Variants in MYBPC1 observed in about 807,000 individuals in gnomAD.
MYBPC1 encodes myosin binding protein C1.
A neutral mutation model predicts 147.1 loss-of-function variants in MYBPC1; 52 were observed. That is an observed-to-expected ratio of 0.35 (90% CI 0.28 to 0.45). The LOEUF (loss-of-function observed/expected upper bound fraction) is 0.45. MYBPC1 is among the 20% of genes least tolerant of loss of function. MYBPC1 has a pLI of 1.00. For synonymous variants in MYBPC1, 477 were observed against 475.9 expected (o/e 1.00, Z -0.03); for missense variants, 1,228 against 1,440.3 (o/e 0.85, Z 2.39).
chr12:101,642,219 C>T (rs922524855), intron 10 of MYBPC1, among the ~76,000 whole-genome samples, 200 bp from the exon 11 acceptor site: 5 of 152,172 alleles, frequency 3.3e-5, no homozygotes, highest in Non-Finnish European at 5.9e-5. Context: ...TATAAGGGCA[C>T]ACATTTGATC....
chr12:101,661,230 C>T lies in MYBPC1; in HGVS notation c.2000C>T (p.Pro667Leu). The change falls in exon 20 of 32, where the codon CCT becomes CTT. Residue 667 changes from proline to leucine, a missense_variant. Around this residue, in one of 2 missense-constraint regions of MYBPC1, gnomAD observed 1,077 missense variants for 1,314.2 expected, o/e 0.82. Coordinates refer to ENST00000361466, the MANE Select transcript of MYBPC1 (RefSeq NM_002465.4). ...GDDWCIMNWE[P>L]PAYDGGSPIL... Reference sequence around the variant, plus strand: ...GACTGGTGTATCATGAACTGGGAGCCTCCTGCCTACGACGGAGGCTCTCCA... The same window carrying T: ...GACTGGTGTATCATGAACTGGGAGCTTCCTGCCTACGACGGAGGCTCTCCA... 6.2e-7 allele frequency: 1 copy of T among 1,613,792 alleles called. No individual in the cohort carries two copies. Among genetic ancestry groups the T allele is most frequent in the African/African-American group, 1.3e-5 (1 of 75,016 alleles).
chr12:101,652,634 T>C (rs1389475423), intron 16 of MYBPC1, 44 bp from the exon 17 acceptor site: 3 of 1,404,732 alleles, frequency 2.1e-6, no homozygotes, highest in Admixed American at 1.7e-5. Flanking sequence ...ATATATAAAC[T>C]AGATCTTTGG....
intron 28 of MYBPC1, among the ~76,000 whole-genome samples, chr12:101,678,887 C>A (rs1235112457): frequency 6.6e-6 from 1 of 152,112 alleles, no homozygotes; most frequent in Admixed American, 6.5e-5. Context: ...GTCGTCCGGG[C>A]GCAGTGGCTC....
At chr12:101,604,932 T>C (rs970918075) in intron 1 of MYBPC1, among the ~76,000 whole-genome samples, 3 of 152,190 alleles carry the variant, frequency 2.0e-5, no homozygotes, top group African/African-American at 4.8e-5. Flanking sequence ...ACTGACTTTC[T>C]GGGTCACCAA....
intron 3 of MYBPC1, among the ~76,000 whole-genome samples, chr12:101,619,817 G>A (rs1041757889): frequency 6.6e-6 from 1 of 152,144 alleles, no homozygotes; most frequent in African/African-American, 2.4e-5. Context: ...TCACTATTAA[G>A]AATATTATTC....
chr12:101,663,738 A>T (rs1387015447), intron 22 of MYBPC1, among the ~76,000 whole-genome samples, 178 bp downstream of exon 22: 2 of 152,242 alleles, frequency 1.3e-5, no homozygotes, highest in African/African-American at 4.8e-5. Context: ...CTTGGTGCTT[A>T]TAAATTGATA....
At chr12:101,615,401 C>A (rs955251256) in intron 2 of MYBPC1, among the ~76,000 whole-genome samples, 3 of 152,012 alleles carry the variant, frequency 2.0e-5, no homozygotes. Flanking sequence ...GCATCCCACT[C>A]AATAATTATT....
rs1170393605 is a variant in MYBPC1 at position 101,631,657 on chromosome 12, G to A, written c.376G>A (p.Asp126Asn). Residue 126 changes from aspartate to asparagine, a missense_variant, in exon 7 of 32, where the codon GAC becomes AAC. Transcript: ENST00000361466. ...TIKWFKGKWM[D>N]LASKAGKHLQ... The stretch of plus-strand genomic sequence containing the variant: ...CAAATGGTTCAAAGGAAAATGGATG[G>A]ACCTGGCCAGCAAAGCCGGGAAGCA... The A allele has an allele frequency of 2.5e-6, 4 of 1,614,074 alleles. No individual in the cohort carries two copies. Among genetic ancestry groups the A allele is most frequent in the Admixed American group, 1.7e-5 (1 of 60,012 alleles).
chr12:101,612,062 C>T (rs538742702), intron 1 of MYBPC1, among the ~76,000 whole-genome samples: 17 of 140,326 alleles, frequency 1.2e-4, no homozygotes, highest in South Asian at 2.3e-4. Flanking sequence ...GGCGACAGAG[C>T]GAGACTCCAT....
chr12:101,663,300 G>A, intron 21 of MYBPC1, 126 bp from the exon 22 acceptor site: 3 of 877,150 alleles, frequency 3.4e-6, no homozygotes, highest in Non-Finnish European at 5.7e-6. Flanking sequence ...TGTCTTAACT[G>A]AATTTCATTA....
chr12:101,685,815 A>AC lies in MYBPC1; in HGVS notation c.*253_*254insC. The AC allele has an allele frequency of 4.9e-6, 3 of 609,596 alleles. No individual in the cohort carries two copies. The South Asian group carries it at 7.4e-5, about 15-fold the overall frequency. 37.8% of individuals were successfully genotyped at this position (609,596 alleles called of 1,614,324 possible). A position where few individuals can be genotyped will look rare whatever the true frequency, so the allele number is the denominator to read the frequency against. Reference sequence around the variant, plus strand: ...CTTTCCTCCTAATGTTGAAGAGAAAAAAAAAAAAAAAAGTTTGCCCAGATT... The same window carrying AC: ...CTTTCCTCCTAATGTTGAAGAGAAAACAAAAAAAAAAAAGTTTGCCCAGATT... On this transcript the variant is annotated 3_prime_UTR_variant, in exon 32 of 32. Transcript: ENST00000361466.
intron 17 of MYBPC1, 35 bp from the exon 18 acceptor site, chr12:101,653,080 C>A (rs1894842611): frequency 5.0e-6 from 8 of 1,603,414 alleles, no homozygotes; most frequent in Non-Finnish European, 6.8e-6. Flanking sequence ...ACAGAAATGA[C>A]TGTCTGATAA....
intron 1 of MYBPC1, among the ~76,000 whole-genome samples, chr12:101,612,346 A>C (rs574437650): frequency 1.3e-5 from 2 of 152,342 alleles, no homozygotes; most frequent in East Asian, 3.9e-4. Context: ...AGGCAGAGTC[A>C]GGATTCAGAC....
intron 12 of MYBPC1, among the ~76,000 whole-genome samples, chr12:101,645,028 A>G (rs879295910): frequency 3.3e-5 from 5 of 152,186 alleles, no homozygotes; most frequent in Non-Finnish European, 5.9e-5. Context: ...GTGTTTTCCA[A>G]TTATGGTTTT....
chr12:101,672,365 G>A (rs550375425), intron 24 of MYBPC1, among the ~76,000 whole-genome samples: 74 of 152,242 alleles, frequency 4.9e-4, no homozygotes, highest in African/African-American at 1.8e-3. Flanking sequence ...GCCAGGGTAC[G>A]CCTGGATGCT....
At chr12:101,634,935 C>T (rs1019854859) in intron 9 of MYBPC1, among the ~76,000 whole-genome samples, 9 of 152,112 alleles carry the variant, frequency 5.9e-5, no homozygotes, top group Admixed American at 3.3e-4. Flanking sequence ...AAAAGAAATA[C>T]GCAAAGAGAC....
intron 16 of MYBPC1, among the ~76,000 whole-genome samples, chr12:101,652,234 T>C (rs1428999347): frequency 6.6e-6 from 1 of 152,214 alleles, no homozygotes; most frequent in Middle Eastern, 3.2e-3. Flanking sequence ...AAAGGATTCA[T>C]AGTGTCCATC....
Position 101,659,788 on chromosome 12 carries a change from C to G in MYBPC1, c.1884C>G (p.Asn628Lys), listed in dbSNP as rs764795141. The G allele has an allele frequency of 1.9e-6, 3 of 1,614,110 alleles. No homozygotes were observed. Among genetic ancestry groups the G allele is most frequent in the Non-Finnish European group, 2.5e-6 (3 of 1,179,986 alleles). ...GTGTTTACCACATCAATCTGAAAAA[C>G]GAAGCTGGAGAGGCACATGCAAGCA... ...DSGVYHINLK[N>K]EAGEAHASIK... is the part of the protein sequence containing the mutation. Residue 628 changes from asparagine (N) to lysine (K), a missense_variant, in exon 19 of 32, where the codon AAC (asparagine) becomes AAG (lysine). Physicochemically the swap from Asn to Lys is moderately conservative, Grantham distance 94. This residue lies in a region of MYBPC1 where 1,077 missense variants were observed against 1,314.2 expected (regional missense o/e 0.82). Coordinates refer to ENST00000361466, the MANE Select transcript of MYBPC1 (RefSeq NM_002465.4).
intron 1 of MYBPC1, among the ~76,000 whole-genome samples, chr12:101,598,748 T>C (rs1261495041): frequency 6.6e-6 from 1 of 152,010 alleles, no homozygotes; most frequent in African/African-American, 2.4e-5. Flanking sequence ...TAATAGCTGA[T>C]TTTGTTATTT....
Sources: allele counts gnomAD v4.1 joint callset (sites outside exome capture counted in the v4.1 genomes callset), GRCh38; gene constraint gnomAD v4.1.1; regional missense constraint gnomAD v4.1.1; transcripts MANE v1.5; gene names NCBI Gene and HGNC (gene_info 2026-07-23, HGNC 2026-07-21).